PALD1: variants seen among roughly 807,000 people sequenced by gnomAD.
PALD1 encodes paladin.
In PALD1, 57 loss-of-function variants were observed where a neutral mutation model predicts 96.0. That is an observed-to-expected ratio of 0.59 (90% CI 0.48 to 0.74). The LOEUF is 0.74. Ranked by LOEUF, PALD1 falls within the 30% of genes least tolerant of loss-of-function variation. The pLI is 0.00. For missense variants in PALD1, 1,063 were observed against 1,143.7 expected (o/e 0.93, Z 1.02); for synonymous variants, 464 against 473.6 (o/e 0.98, Z 0.26).
intron 17 of PALD1, among the ~76,000 whole-genome samples, chr10:70,542,739 A>G (rs1847276715): frequency 6.6e-6 from 1 of 152,172 alleles, no homozygotes; most frequent in African/African-American, 2.4e-5. Context: ...TATGAAATGC[A>G]TAGTGCACGT....
At chr10:70,463,223 TG>T in the PALD1 span, among the ~76,000 whole-genome samples, 1 of 151,940 alleles carries the variant, frequency 6.6e-6, no homozygotes, top group Non-Finnish European at 1.5e-5. Context: ...GCTAACACGG[TG>T]AAAACCCATC....
intron 1 of PALD1, among the ~76,000 whole-genome samples, chr10:70,497,704 C>T (rs747613722): frequency 3.3e-5 from 5 of 151,878 alleles, no homozygotes; most frequent in Admixed American, 6.6e-5. Flanking sequence ...GTAGCTGGGA[C>T]TACAGGCGTG....
intron 1 of PALD1, among the ~76,000 whole-genome samples, chr10:70,514,228 T>C (rs980715001): frequency 6.6e-6 from 1 of 152,216 alleles, no homozygotes; most frequent in Non-Finnish European, 1.5e-5. Context: ...CTGCCAGGAC[T>C]TGGCGCTTGC....
chr10:70,526,104 C>T lies in PALD1; in HGVS notation c.153C>T (p.Ile51=), dbSNP rs377593062. The T allele has an allele frequency of 5.1e-5, 83 of 1,614,132 alleles. No homozygotes were observed. Among genetic ancestry groups the T allele is most frequent in the Non-Finnish European group, 6.7e-5 (79 of 1,180,040 alleles). ...TGCATAACAGCAAGGCCAAGTCCATCATCCCCAACAAGGTGGCCCCTGTTG... is the reference window on the plus strand; with the variant it reads ...TGCATAACAGCAAGGCCAAGTCCATTATCCCCAACAAGGTGGCCCCTGTTG... ...TSLHNSKAKS[I]IPNKVAPVVI... is the part of the protein sequence containing the mutation. The change falls in exon 2 of 20, where the codon ATC becomes ATT. Residue 51 remains isoleucine (I), a synonymous_variant. Transcript: ENST00000263563.
intron 1 of PALD1, among the ~76,000 whole-genome samples, chr10:70,519,573 C>CTTTTTTTTTTT (rs1192092171): frequency 7.5e-6 from 1 of 133,702 alleles, no homozygotes; most frequent in African/African-American, 2.9e-5. Flanking sequence ...TTCTTTCTTT[C>CTTTTTTTTTTT]TTTTTTTTTT....
At chr10:70,464,779 C>T in the PALD1 span, among the ~76,000 whole-genome samples, 1 of 150,930 alleles carries the variant, frequency 6.6e-6, no homozygotes, top group African/African-American at 2.4e-5. Context: ...GCACATACCA[C>T]CACGCCCGGC....
At chr10:70,497,166 C>G (rs1846208239) in intron 1 of PALD1, among the ~76,000 whole-genome samples, 1 of 152,240 alleles carries the variant, frequency 6.6e-6, no homozygotes, top group Non-Finnish European at 1.5e-5. Flanking sequence ...GGAGGGCTTG[C>G]TGTTTGTTGG....
intron 1 of PALD1, among the ~76,000 whole-genome samples, chr10:70,494,353 C>G (rs1846152369): frequency 6.6e-6 from 1 of 152,248 alleles, no homozygotes; most frequent in Non-Finnish European, 1.5e-5. Flanking sequence ...GCTCCTAGAA[C>G]AGTGCCTCAC....
chr10:70,510,771 G>A (rs745699261), intron 1 of PALD1, among the ~76,000 whole-genome samples: 7 of 152,222 alleles, frequency 4.6e-5, no homozygotes, highest in Non-Finnish European at 8.8e-5. Flanking sequence ...CTGCCATTTT[G>A]GAGCAGTAGA....
intron 12 of PALD1, 142 bp downstream of exon 12, chr10:70,538,550 G>A (rs1309218679): frequency 2.3e-6 from 2 of 877,322 alleles, no homozygotes; most frequent in African/African-American, 1.7e-5. Flanking sequence ...GGATCCTCTT[G>A]TGAACAGAAT....
At chr10:70,531,146 T>C in intron 4 of PALD1, 144 bp from the exon 5 acceptor site, 1 of 672,528 alleles carries the variant, frequency 1.5e-6, no homozygotes, top group Non-Finnish European at 2.6e-6. Context: ...GAGCTTTGTT[T>C]CTTGGGTAGG....
At chr10:70,549,191 GT>G (rs1847430016) in intron 18 of PALD1, among the ~76,000 whole-genome samples, 1 of 152,110 alleles carries the variant, frequency 6.6e-6, no homozygotes, top group Non-Finnish European at 1.5e-5. Flanking sequence ...CTCCTTTTGA[GT>G]TACCTTTGGG....
At chr10:70,557,500 C>T (rs1056749188) in intron 18 of PALD1, among the ~76,000 whole-genome samples, 3 of 152,212 alleles carry the variant, frequency 2.0e-5, no homozygotes, top group Admixed American at 6.5e-5. Context: ...TTTGAAATTA[C>T]TTAACAAAAT....
At chr10:70,462,534 G>C in the PALD1 span, among the ~76,000 whole-genome samples, 7 of 152,244 alleles carry the variant, frequency 4.6e-5, no homozygotes, top group Non-Finnish European at 1.0e-4. Flanking sequence ...TCTCAGCTGG[G>C]GAGAGGCTGC....
chr10:70,526,035 C>T lies in PALD1; in HGVS notation c.84C>T (p.Asp28=). Residue 28 remains aspartate (D), a synonymous_variant, in exon 2 of 20, where the codon GAC becomes GAT. Coordinates refer to ENST00000263563, the MANE Select transcript of PALD1 (RefSeq NM_014431.3). The part of the protein sequence containing the change: ...FEGLQGSGTM[D]SRHSVSIHSF... ...GCCTACAGGGCAGTGGCACGATGGA[C>T]AGTCGGCACTCCGTCAGCATCCACT... 5.6e-6 allele frequency: 9 copies of T among 1,614,160 alleles called. No individual in the cohort carries two copies. Among genetic ancestry groups the T allele is most frequent in the South Asian group, 1.1e-5 (1 of 91,086 alleles).
At chr10:70,529,845 C>T (rs757827719) in intron 3 of PALD1, 44 bp from the exon 4 acceptor site, 1 of 1,580,510 alleles carries the variant, frequency 6.3e-7, no homozygotes, top group East Asian at 2.2e-5. Flanking sequence ...CAGAAAATAC[C>T]CCTGAGCCAT....
rs536686661 is a variant in PALD1, at chr10:70,508,883, G to C, written c.-29-17040G>C. ...CAGGCCTGTGGGAGTTGCGGGACCAGGCCCAGGGCAGGTGAAGGGCTGGTC... is the reference window on the plus strand; with the variant it reads ...CAGGCCTGTGGGAGTTGCGGGACCACGCCCAGGGCAGGTGAAGGGCTGGTC... On this transcript the variant is annotated intron_variant, in intron 1 of 19. Coordinates refer to ENST00000263563, the MANE Select transcript of PALD1 (RefSeq NM_014431.3). Among the ~76,000 whole-genome samples the C allele has an allele frequency of 3.7e-4, 55 of 148,302 alleles. No homozygotes were observed. In the East Asian group the frequency reaches 9.6e-3, roughly 26 times the overall value.
chr10:70,532,136 G>GTCCTCCTCCTCCTCC (rs1160543783), intron 5 of PALD1, among the ~76,000 whole-genome samples: 2 of 152,060 alleles, frequency 1.3e-5, no homozygotes, highest in Non-Finnish European at 2.9e-5. Context: ...AGTATCCTCT[G>GTCCTCCTCCTCCTCC]TCCTCCTCCT....
intron 1 of PALD1, among the ~76,000 whole-genome samples, chr10:70,510,012 C>A (rs1846481149): frequency 3.3e-5 from 5 of 152,158 alleles, no homozygotes; most frequent in Admixed American, 3.3e-4. Flanking sequence ...AGGAAAACTT[C>A]TAGTGGGGCT....
Sources: allele counts gnomAD v4.1 joint callset (sites outside exome capture counted in the v4.1 genomes callset), GRCh38; gene constraint gnomAD v4.1.1; transcripts MANE v1.5; gene names NCBI Gene and HGNC (gene_info 2026-07-23, HGNC 2026-07-21).